The following SYN2 variants were observed in gnomAD, a reference collection of about 807,000 sequenced individuals.
SYN2 encodes synapsin-2.
In SYN2, 19 loss-of-function variants were observed where a neutral mutation model predicts 50.9. That is an observed-to-expected ratio of 0.37 (90% confidence interval 0.26 to 0.55). SYN2 has a LOEUF of 0.55. SYN2 is among the 20% of genes least tolerant of loss of function. The pLI is 0.81. For missense variants in SYN2, 587 were observed against 576.4 expected, an observed-to-expected ratio of 1.02 and a Z score of -0.19; for synonymous variants, 255 against 224.9, an observed-to-expected ratio of 1.13 and a Z score of -1.20.
intron 1 of SYN2, among the ~76,000 whole-genome samples, chr3:12,051,836 C>A (rs1694871079): frequency 1.3e-5 from 2 of 152,298 alleles, no homozygotes; most frequent in South Asian, 4.1e-4. Flanking sequence ...GTGTTAGGAT[C>A]TCATTCCTTC....
At chr3:12,053,630 G>A (rs307558) in intron 1 of SYN2, among the ~76,000 whole-genome samples, 111,306 of 148,458 alleles carry the variant, frequency 0.75, 41,039 homozygotes, top group Middle Eastern at 0.82. Flanking sequence ...GAGCTAGGTG[G>A]CATACTTACT....
At chr3:12,060,626 A>G (rs1165283787) in intron 1 of SYN2, among the ~76,000 whole-genome samples, 1 of 152,090 alleles carries the variant, frequency 6.6e-6, no homozygotes, top group African/African-American at 2.4e-5. Flanking sequence ...TAACACACAG[A>G]CTCTATCTGA....
At position 12,180,482 on chromosome 3, in the gene SYN2, C is replaced by T. The variant is rs1698197160; in HGVS notation, c.1309-2830C>T. The stretch of plus-strand genomic sequence containing the variant: ...GTGGAATTCGGCATCCCAGGATGCT[C>T]TGGGTGACTGGAAACAGATCCCATG... On this transcript the variant is annotated intron_variant, in intron 10 of 12. Transcript: ENST00000621198. Among the ~76,000 whole-genome samples the T allele has an allele frequency of 2.0e-5, 3 of 152,202 alleles. No individual in the cohort carries two copies. The South Asian group carries it at 6.2e-4, about 31-fold the overall frequency.
chr3:12,123,493 G>C (rs532702102), intron 1 of SYN2, among the ~76,000 whole-genome samples: 10 of 152,324 alleles, frequency 6.6e-5, no homozygotes, highest in African/African-American at 2.4e-4. Flanking sequence ...GTAAAGCTGG[G>C]TATGGTGGCA....
chr3:12,049,350 T>A (rs1694806835), intron 1 of SYN2, among the ~76,000 whole-genome samples: 1 of 151,908 alleles, frequency 6.6e-6, no homozygotes, highest in Non-Finnish European at 1.5e-5. Flanking sequence ...GAAACTCGTC[T>A]CTACTAAAAA....
At chr3:12,172,444 T>TACAC (rs1697957248) in intron 10 of SYN2, among the ~76,000 whole-genome samples, 1 of 152,206 alleles carries the variant, frequency 6.6e-6, no homozygotes, top group African/African-American at 2.4e-5. Flanking sequence ...TACTCACAGT[T>TACAC]ACAGTATATT....
At chr3:12,005,045 C>T in intron 1 of SYN2, 117 bp downstream of exon 1, 1 of 382,392 alleles carries the variant, frequency 2.6e-6, no homozygotes, top group Non-Finnish European at 4.7e-6. Flanking sequence ...GGAGGGTCCC[C>T]GAGGTCCCGC....
chr3:12,155,636 A>G (rs1697432763), intron 5 of SYN2, among the ~76,000 whole-genome samples: 1 of 152,228 alleles, frequency 6.6e-6, no homozygotes, highest in African/African-American at 2.4e-5. Flanking sequence ...TTTCAACACC[A>G]GGCAAAGGAG....
intron 1 of SYN2, among the ~76,000 whole-genome samples, chr3:12,051,584 G>C (rs1412153104): frequency 6.6e-6 from 1 of 152,142 alleles, no homozygotes; most frequent in Non-Finnish European, 1.5e-5. Context: ...AGATCCTATA[G>C]TCTGCCGCCT....
chr3:12,054,066 C>G (rs1333239934), intron 1 of SYN2, among the ~76,000 whole-genome samples: 1 of 152,070 alleles, frequency 6.6e-6, no homozygotes, highest in African/African-American at 2.4e-5. Context: ...CAAGGTAATG[C>G]CTTATCACAC....
At chr3:12,169,684 C>A (rs1697892657) in intron 9 of SYN2, 73 bp from the exon 10 acceptor site, 2 of 1,554,276 alleles carry the variant, frequency 1.3e-6, no homozygotes, top group Middle Eastern at 1.7e-4. Context: ...AATTCCTACC[C>A]ATTCTGAAAG....
At chr3:12,015,726 T>C (rs1179630752) in intron 1 of SYN2, among the ~76,000 whole-genome samples, 4 of 152,234 alleles carry the variant, frequency 2.6e-5, no homozygotes, top group African/African-American at 4.8e-5. Context: ...CTTGTTTTTT[T>C]CTGAAGAACA....
At chr3:12,144,009 C>T (rs1453837009) in intron 3 of SYN2, among the ~76,000 whole-genome samples, 5 of 152,180 alleles carry the variant, frequency 3.3e-5, no homozygotes, top group East Asian at 1.9e-4. Context: ...AGGTGGTGGG[C>T]GGATGGCTGC....
intron 1 of SYN2, among the ~76,000 whole-genome samples, chr3:12,048,935 T>G (rs534224234): frequency 2.0e-5 from 3 of 152,172 alleles, no homozygotes; most frequent in Non-Finnish European, 4.4e-5. Context: ...TACAATCACT[T>G]GCAGACCTAA....
intron 1 of SYN2, 52 bp from the exon 2 acceptor site, chr3:12,140,599 A>T (rs1696993813): frequency 1.4e-6 from 1 of 723,314 alleles, no homozygotes; most frequent in African/African-American, 1.7e-5. Context: ...TAAATGTCTG[A>T]CTTTAAATAC....
At chr3:12,070,300 G>A (rs1284068923) in intron 1 of SYN2, 3 of 493,742 alleles carry the variant, frequency 6.1e-6, no homozygotes, top group African/African-American at 2.0e-5. Context: ...TGGGGACGAC[G>A]CCCCCTGAGC....
intron 1 of SYN2, among the ~76,000 whole-genome samples, chr3:12,034,880 G>A (rs1288770105): frequency 1.3e-5 from 2 of 152,162 alleles, no homozygotes; most frequent in Admixed American, 6.5e-5. Context: ...ATTCAGTGCC[G>A]ATGGCCTTCA....
At chr3:12,144,975 G>A (rs1271847010) in intron 3 of SYN2, among the ~76,000 whole-genome samples, 1 of 152,158 alleles carries the variant, frequency 6.6e-6, no homozygotes, top group Non-Finnish European at 1.5e-5. Context: ...AGGTTGCAAT[G>A]AGCTGAGATC....
chr3:12,154,201 C>T, intron 5 of SYN2: 2 of 1,418,386 alleles, frequency 1.4e-6, no homozygotes, highest in Admixed American at 2.0e-5. Flanking sequence ...GTATTGCTTT[C>T]TCATCCCCAA....
Sources: allele counts gnomAD v4.1 joint callset (sites outside exome capture counted in the v4.1 genomes callset), GRCh38; gene constraint gnomAD v4.1.1; transcripts MANE v1.5; gene names NCBI Gene and HGNC (gene_info 2026-07-23, HGNC 2026-07-21).